ANO2: variants seen among roughly 807,000 people sequenced by gnomAD.
The protein encoded by ANO2 is anoctamin-2.
ANO2 carries 101 observed loss-of-function variants against 124.2 expected under a neutral mutation model. The observed-to-expected ratio is 0.81, with a 90% confidence interval of 0.69 to 0.96. The LOEUF is 0.96. Ranked by LOEUF, ANO2 falls within the 40% of genes least tolerant of loss-of-function variation. The pLI, the probability that ANO2 is intolerant of heterozygous loss-of-function variation, is 0.00. For synonymous variants in ANO2, 486 were observed against 482.5 expected, an observed-to-expected ratio of 1.01 and a Z score of -0.09; for missense variants, 1,293 against 1,274.5, an observed-to-expected ratio of 1.01 and a Z score of -0.22.
chr12:5,773,948 G>A (rs1187320228), intron 10 of ANO2, among the ~76,000 whole-genome samples: 4 of 152,114 alleles, frequency 2.6e-5, no homozygotes, highest in Admixed American at 6.5e-5. Flanking sequence ...GAATATTCAC[G>A]AAGACAGCAT....
intron 1 of ANO2, among the ~76,000 whole-genome samples, chr12:5,923,585 G>T (rs980944010): frequency 6.6e-6 from 1 of 152,148 alleles, no homozygotes; most frequent in African/African-American, 2.4e-5. Flanking sequence ...GGGTCCTCAC[G>T]CACCTGCTGC....
intron 3 of ANO2, among the ~76,000 whole-genome samples, chr12:5,880,071 G>T (rs568467002): frequency 6.6e-6 from 1 of 152,326 alleles, no homozygotes; most frequent in South Asian, 2.1e-4. Flanking sequence ...GAATTGACAT[G>T]ACCTGGTGTC....
chr12:5,925,907 C>A lies in ANO2; in HGVS notation c.23-3103G>T, dbSNP rs995591658. Among the ~76,000 whole-genome samples, 30 of 152,208 alleles carry A rather than the reference C, an allele frequency of 2.0e-4. No individual in the cohort carries two copies. Among genetic ancestry groups the A allele is most frequent in the African/African-American group, 7.2e-4 (30 of 41,464 alleles). On this transcript the variant is annotated intron_variant, in intron 1 of 24. Transcript: ENST00000682330. The surrounding 1 kb of genome is among the most constrained non-coding windows in gnomAD (Gnocchi z 4.6). The stretch of plus-strand genomic sequence containing the variant: ...TGGGCACTCTCATCCACTCCAGAGA[C>A]CTTCATTGTCACCTATTGCTGACGA...
At chr12:5,849,882 G>A (rs1046902684) in intron 4 of ANO2, among the ~76,000 whole-genome samples, 1 of 152,108 alleles carries the variant, frequency 6.6e-6, no homozygotes, top group Non-Finnish European at 1.5e-5. Context: ...TTTAAAAAGA[G>A]AGCATGCCAC....
At chr12:5,667,223 A>G (rs1429357581) in intron 14 of ANO2, among the ~76,000 whole-genome samples, 2 of 152,190 alleles carry the variant, frequency 1.3e-5, no homozygotes, top group Non-Finnish European at 2.9e-5. Flanking sequence ...AGTGAGTTCT[A>G]TGAGTCCTTC....
intron 14 of ANO2, among the ~76,000 whole-genome samples, chr12:5,704,162 A>T (rs1308332320): frequency 6.6e-6 from 1 of 152,220 alleles, no homozygotes; most frequent in East Asian, 1.9e-4. Flanking sequence ...TCTTCAGCAT[A>T]TAATACATTT....
Position 5,750,956 on chromosome 12 carries a change from T to C in ANO2, c.1070A>G (p.Glu357Gly). The C allele has an allele frequency of 1.2e-6, 2 of 1,601,176 alleles. No homozygotes were observed. The highest frequency in any genetic ancestry group is 1.7e-6 in the Non-Finnish European group (2 of 1,173,724). The change falls in exon 11 of 25, where the codon GAA becomes GGA. Residue 357 changes from glutamate (E) to glycine (G), a missense_variant. Transcript: ENST00000682330. ...PIDLIRKYFG[E>G]KIGLYFAWLG... ...CCAGGCAAAATACAGTCCAATTTTT[T>C]CTCCAAAATACTTTCTGGAAAAGAA...
chr12:5,757,540 T>C (rs1951616560), intron 10 of ANO2, among the ~76,000 whole-genome samples: 1 of 152,186 alleles, frequency 6.6e-6, no homozygotes, highest in South Asian at 2.1e-4. Context: ...CACACATTGA[T>C]AGAAGAACTA....
Position 5,563,429 on chromosome 12 carries a change from A to C in ANO2, c.2867T>G (p.Met956Arg). 6.2e-7 allele frequency: 1 copy of C among 1,613,272 alleles called. No homozygotes were observed. Among genetic ancestry groups the C allele is most frequent in the African/African-American group, 1.3e-5 (1 of 75,006 alleles). Reference sequence around the variant, plus strand: ...TGGGCTCCTCAGAGCCGGCTCATCCATCAGCTTGAGCTTCTCATGCTCCTC... The same window carrying C: ...TGGGCTCCTCAGAGCCGGCTCATCCCTCAGCTTGAGCTTCTCATGCTCCTC... ...LKEEHEKLKL[M>R]DEPALRSPGG... Residue 956 changes from methionine (M) to arginine (R), a missense_variant, in exon 25 of 25, where the codon ATG becomes AGG. Met to Arg is a moderately conservative substitution (Grantham distance 91, BLOSUM62 -1). Coordinates refer to ENST00000682330, the MANE Select transcript of ANO2 (RefSeq NM_001364791.2).
rs574428675 is a variant in ANO2, at chr12:5,908,423, C to T, written c.534+12617G>A. ...GTGGAAACTCAACAAGGCAGTAATA[C>T]GAACACCAGCAGTCACCCTATCCAA... On this transcript the variant is annotated intron_variant, in intron 3 of 24. Coordinates refer to ENST00000682330, the MANE Select transcript of ANO2 (RefSeq NM_001364791.2). The surrounding 1 kb of genome is among the most constrained non-coding windows in gnomAD (Gnocchi z 4.7). 2.9e-4 allele frequency among the ~76,000 whole-genome samples: 44 copies of T among 152,306 alleles called. 1 individual carries two copies. The South Asian group carries it at 9.1e-3, about 32-fold the overall frequency.
Position 5,914,249 on chromosome 12 carries a change from A to C in ANO2, c.534+6791T>G, listed in dbSNP as rs1941246806. On this transcript the variant is annotated intron_variant, in intron 3 of 24. Coordinates refer to ENST00000682330, the MANE Select transcript of ANO2 (RefSeq NM_001364791.2). Reference sequence around the variant, plus strand: ...AGTGAGGCGACATTCTGATTTTCTCAGTCCTCTCTGCTAAATGGGCCTCCC... The same window carrying C: ...AGTGAGGCGACATTCTGATTTTCTCCGTCCTCTCTGCTAAATGGGCCTCCC... Among the ~76,000 whole-genome samples, 6 of 152,050 alleles carry C rather than the reference A, an allele frequency of 3.9e-5. No homozygotes were observed. The South Asian group carries it at 1.2e-3, about 32-fold the overall frequency.
chr12:5,645,913 T>A (rs1487922941), intron 15 of ANO2, among the ~76,000 whole-genome samples: 1 of 152,204 alleles, frequency 6.6e-6, no homozygotes, highest in Non-Finnish European at 1.5e-5. Flanking sequence ...TGACCCAGGA[T>A]AGAAAGCCAC....
rs748755466 is a variant in ANO2 at position 5,787,335 on chromosome 12, C to T, written c.1055+12172G>A. 1.2e-4 allele frequency among the ~76,000 whole-genome samples: 18 copies of T among 152,120 alleles called. No homozygotes were observed. The highest frequency in any genetic ancestry group is 2.4e-4 in the Non-Finnish European group (16 of 68,018). On this transcript the variant is annotated intron_variant, in intron 10 of 24. Transcript: ENST00000682330. This position sits in a 1 kb window ranked among gnomAD's most constrained non-coding sequence, Gnocchi z 4.2. ...TGTACCCTTTCCTTAGGGTACGGTC[C>T]AAAATCCCTAACCAGCCCAAAAGCT...
chr12:5,724,645 G>A (rs1950362675), intron 14 of ANO2, among the ~76,000 whole-genome samples: 1 of 152,214 alleles, frequency 6.6e-6, no homozygotes, highest in Admixed American at 6.5e-5. Flanking sequence ...CTTTAGATGA[G>A]TTTTCTTTTG....
At chr12:5,685,632 A>G (rs1318832621) in intron 14 of ANO2, among the ~76,000 whole-genome samples, 1 of 152,088 alleles carries the variant, frequency 6.6e-6, no homozygotes, top group Non-Finnish European at 1.5e-5. Flanking sequence ...AAAAATACAA[A>G]AAGTAGCTGG....
chr12:5,884,763 A>G (rs1938764345), intron 3 of ANO2, among the ~76,000 whole-genome samples: 1 of 152,194 alleles, frequency 6.6e-6, no homozygotes, highest in African/African-American at 2.4e-5. Flanking sequence ...ATCTGAACAG[A>G]AAATGGACCA....
chr12:5,668,971 G>C (rs1947865347), intron 14 of ANO2, among the ~76,000 whole-genome samples: 1 of 151,882 alleles, frequency 6.6e-6, no homozygotes. Flanking sequence ...GTTTGAAGTT[G>C]GGTAGCGTGA....
intron 16 of ANO2, among the ~76,000 whole-genome samples, chr12:5,634,258 C>T (rs1292075759): frequency 6.6e-6 from 1 of 152,150 alleles, no homozygotes; most frequent in African/African-American, 2.4e-5. Flanking sequence ...AAGGCACAGA[C>T]AGAGCAACTT....
intron 16 of ANO2, among the ~76,000 whole-genome samples, chr12:5,633,082 G>A (rs543148355): frequency 6.6e-6 from 1 of 152,228 alleles, no homozygotes; most frequent in Non-Finnish European, 1.5e-5. Context: ...TGCGGTGGGA[G>A]TGTAATTAGT....
Sources: gnomAD v4.1 joint callset for allele counts (sites outside exome capture counted in the v4.1 genomes callset) on GRCh38, gnomAD v4.1.1 for gene constraint, Gnocchi (gnomAD v3.1) non-coding constraint, MANE v1.5 for transcripts, NCBI Gene and HGNC (gene_info 2026-07-23, HGNC 2026-07-21) for gene names.